The following POLK variants were observed in gnomAD, a reference collection of about 807,000 sequenced individuals.
POLK encodes polymerase (DNA directed) kappa.
POLK carries 76 observed loss-of-function variants against 94.0 expected under a neutral mutation model. The observed-to-expected ratio is 0.81, with a 90% CI of 0.67 to 0.98. The LOEUF (loss-of-function observed/expected upper bound fraction) is 0.98. POLK is among the 50% of genes least tolerant of loss of function. The pLI is 0.00. For missense variants in POLK, 954 were observed against 1,010.1 expected (o/e 0.94, Z 0.75); for synonymous variants, 349 against 325.4 (o/e 1.07, Z -0.78).
At chr5:75,524,395 TA>T in intron 1 of POLK, among the ~76,000 whole-genome samples, 1 of 152,262 alleles carries the variant, frequency 6.6e-6, no homozygotes, top group Middle Eastern at 3.4e-3. Context: ...CAGTGGAGTT[TA>T]ATTGGCTGCT....
intron 3 of POLK, among the ~76,000 whole-genome samples, chr5:75,566,890 G>A (rs2112745203): frequency 6.6e-6 from 1 of 152,342 alleles, no homozygotes; most frequent in South Asian, 2.1e-4. Context: ...GCATGTTGGA[G>A]ACTCAGATCA....
At chr5:75,535,109 A>T (rs923841640) in intron 1 of POLK, 1 of 152,224 alleles carries the variant, frequency 6.6e-6, no homozygotes, top group South Asian at 2.1e-4. Flanking sequence ...TTTCCTTTCC[A>T]TAGCTAGCAC....
intron 3 of POLK, among the ~76,000 whole-genome samples, chr5:75,568,306 T>C (rs181596521): frequency 3.3e-5 from 5 of 152,352 alleles, no homozygotes; most frequent in African/African-American, 9.6e-5. Context: ...AGCTTTCTTA[T>C]GATTTTTACT....
chr5:75,544,434 T>C (rs749548963), intron 1 of POLK, among the ~76,000 whole-genome samples: 10 of 151,658 alleles, frequency 6.6e-5, no homozygotes, highest in Non-Finnish European at 1.3e-4. Context: ...ATCACTTGAG[T>C]AGTTTGAGAC....
intron 1 of POLK, among the ~76,000 whole-genome samples, chr5:75,531,040 C>T (rs924155457): frequency 4.0e-5 from 6 of 151,808 alleles, no homozygotes; most frequent in South Asian, 4.1e-4. Flanking sequence ...ATCTCCTGAC[C>T]TCGTGATCCT....
chr5:75,578,541 A>G (rs1266748605), intron 6 of POLK, among the ~76,000 whole-genome samples: 2 of 152,214 alleles, frequency 1.3e-5, no homozygotes, highest in Non-Finnish European at 2.9e-5. Context: ...TAACATATTT[A>G]CTTGTATATT....
At chr5:75,558,764 A>T (rs768684064) in intron 3 of POLK, among the ~76,000 whole-genome samples, 20 of 152,178 alleles carry the variant, frequency 1.3e-4, no homozygotes, top group Non-Finnish European at 2.5e-4. Flanking sequence ...TTTAAAATTG[A>T]TATTAATCCT....
intron 3 of POLK, among the ~76,000 whole-genome samples, chr5:75,553,996 C>T (rs1351564717): frequency 6.6e-6 from 1 of 152,044 alleles, no homozygotes; most frequent in Non-Finnish European, 1.5e-5. Context: ...CCTGAATTAA[C>T]AAAAGTGAAT....
chr5:75,604,360 C>A (rs1186501465), downstream of POLK, among the ~76,000 whole-genome samples: 2 of 151,900 alleles, frequency 1.3e-5, no homozygotes, highest in African/African-American at 4.8e-5. Flanking sequence ...TTAAAAAAAT[C>A]ATACCTGGTG....
exon 2 of POLK, chr5:75,547,013 A>C: frequency 6.8e-7 from 1 of 1,460,362 alleles, no homozygotes; most frequent in South Asian, 1.4e-5. Flanking sequence ...TTTTCAGATA[A>C]GTTTATACCA....
downstream of POLK, among the ~76,000 whole-genome samples, chr5:75,604,873 T>C (rs1773382305): frequency 6.6e-6 from 1 of 152,196 alleles, no homozygotes; most frequent in Admixed American, 6.5e-5. Context: ...AATTAAGTTG[T>C]TCAAGAAAAA....
intron 2 of POLK, among the ~76,000 whole-genome samples, chr5:75,547,594 T>C (rs1770103907): frequency 6.6e-6 from 1 of 152,248 alleles, no homozygotes; most frequent in African/African-American, 2.4e-5. Context: ...TGTAGTCTTT[T>C]ATTTTTACAA....
chr5:75,551,186 T>C (rs1379562410), intron 2 of POLK, among the ~76,000 whole-genome samples: 1 of 152,204 alleles, frequency 6.6e-6, no homozygotes, highest in East Asian at 1.9e-4. Flanking sequence ...CAGAAATTTC[T>C]TAGATGTGAT....
chr5:75,542,068 A>G (rs1239839431), intron 1 of POLK, among the ~76,000 whole-genome samples: 2 of 152,244 alleles, frequency 1.3e-5, no homozygotes, highest in African/African-American at 2.4e-5. Context: ...TTAAATTTAT[A>G]GAGAATAACG....
chr5:75,544,223 C>T (rs1769891896), intron 1 of POLK, among the ~76,000 whole-genome samples: 1 of 152,156 alleles, frequency 6.6e-6, no homozygotes, highest in Non-Finnish European at 1.5e-5. Context: ...TACATTTCAT[C>T]TTTTAAAGGG....
chr5:75,539,041 G>A (rs1158658779), intron 1 of POLK, among the ~76,000 whole-genome samples: 10 of 152,088 alleles, frequency 6.6e-5, no homozygotes, highest in Admixed American at 5.2e-4. Context: ...CAAAGTGCAG[G>A]GATTACAGGC....
At chr5:75,550,961 C>T (rs1176975697) in intron 2 of POLK, among the ~76,000 whole-genome samples, 1 of 152,176 alleles carries the variant, frequency 6.6e-6, no homozygotes, top group Non-Finnish European at 1.5e-5. Flanking sequence ...GTGGCTCACA[C>T]CTGTAATCCC....
chr5:75,590,437 T>A (rs786205685), exon 11 of POLK: 1 of 1,584,340 alleles, frequency 6.3e-7, no homozygotes, highest in Non-Finnish European at 8.7e-7. Context: ...AAGAAAGACT[T>A]AAGGTGCTTT....
chr5:75,598,203 A>G, exon 15 of POLK: 1 of 338,190 alleles, frequency 3.0e-6, no homozygotes, highest in Non-Finnish European at 5.4e-6. Context: ...TATAACCATG[A>G]GAATTTTACT....
Sources: allele counts gnomAD v4.1 joint callset (sites outside exome capture counted in the v4.1 genomes callset), GRCh38; gene constraint gnomAD v4.1.1; transcripts MANE v1.5; gene names NCBI Gene and HGNC (gene_info 2026-07-23, HGNC 2026-07-21).